ABTB3: variants seen among roughly 807,000 people sequenced by gnomAD.
The protein encoded by ABTB3 is ankyrin repeat- and BTB/POZ domain-containing protein 3.
At chr12:107,444,194 G>T in the ABTB3 span, among the ~76,000 whole-genome samples, 1 of 152,246 alleles carries the variant, frequency 6.6e-6, no homozygotes, top group Non-Finnish European at 1.5e-5. Flanking sequence ...GCATGGCGAT[G>T]AGGTGTGCTG....
chr12:107,505,856 A>G, the ABTB3 span, among the ~76,000 whole-genome samples: 16,474 of 152,214 alleles, frequency 0.11, 952 homozygotes, highest in African/African-American at 0.14. Context: ...TGCAAAGGAC[A>G]TGATCTCATT....
chr12:107,319,242 T>C, the ABTB3 span: 77 of 1,564,418 alleles, frequency 4.9e-5, no homozygotes, highest in Non-Finnish European at 6.5e-5. Context: ...CCCTGGACTC[T>C]CCAGGAGCTG....
the ABTB3 span, among the ~76,000 whole-genome samples, chr12:107,436,958 C>G: frequency 1.3e-5 from 2 of 152,034 alleles, no homozygotes; most frequent in Non-Finnish European, 2.9e-5. Flanking sequence ...GCATCCCCCC[C>G]CGCCGCACCT....
At chr12:107,583,954 AT>A in the ABTB3 span, among the ~76,000 whole-genome samples, 2 of 152,250 alleles carry the variant, frequency 1.3e-5, no homozygotes, top group African/African-American at 4.8e-5. Flanking sequence ...TTTTCATTCG[AT>A]TTGGAAATCA....
the ABTB3 span, among the ~76,000 whole-genome samples, chr12:107,600,743 G>A: frequency 1.3e-5 from 2 of 152,244 alleles, no homozygotes; most frequent in Non-Finnish European, 2.9e-5. Flanking sequence ...CTCTGTTGCA[G>A]ATTGCCAACC....
At chr12:107,461,199 T>C in the ABTB3 span, among the ~76,000 whole-genome samples, 1 of 152,138 alleles carries the variant, frequency 6.6e-6, no homozygotes, top group Non-Finnish European at 1.5e-5. Context: ...CCCACCCCCA[T>C]GATACAATTA....
At chr12:107,319,695 T>G in the ABTB3 span, 1 of 1,534,252 alleles carries the variant, frequency 6.5e-7, no homozygotes, top group Admixed American at 2.0e-5. Context: ...TACTCGCGGG[T>G]CGTGGCCTCC....
the ABTB3 span, among the ~76,000 whole-genome samples, chr12:107,571,813 G>C: frequency 6.6e-6 from 1 of 152,252 alleles, no homozygotes; most frequent in African/African-American, 2.4e-5. Flanking sequence ...AGCTAGCGGA[G>C]AGAGGCACAG....
the ABTB3 span, among the ~76,000 whole-genome samples, chr12:107,576,037 G>A: frequency 6.6e-5 from 10 of 152,140 alleles, no homozygotes; most frequent in Admixed American, 2.6e-4. Context: ...TCCAAAGCCC[G>A]TGCTCCTAAC....
chr12:107,353,086 G>A, the ABTB3 span, among the ~76,000 whole-genome samples: 2 of 152,188 alleles, frequency 1.3e-5, no homozygotes, highest in Non-Finnish European at 2.9e-5. Context: ...TGGTCATGTG[G>A]CTTAGTGGCC....
chr12:107,592,732 G>A, the ABTB3 span, among the ~76,000 whole-genome samples: 231 of 152,314 alleles, frequency 1.5e-3, no homozygotes, highest in African/African-American at 5.2e-3. Context: ...AATAAAGCAT[G>A]CATAGGAATG....
chr12:107,627,667 G>A, the ABTB3 span, among the ~76,000 whole-genome samples: 1 of 152,318 alleles, frequency 6.6e-6, no homozygotes, highest in East Asian at 1.9e-4. Context: ...TTGGTGGGAA[G>A]ATGGTCCCAA....
chr12:107,617,180 T>C, the ABTB3 span: 6 of 1,614,122 alleles, frequency 3.7e-6, no homozygotes, highest in Admixed American at 8.3e-5. Context: ...GCAGCTGCTG[T>C]AGGTAAGAGC....
the ABTB3 span, among the ~76,000 whole-genome samples, chr12:107,394,108 A>T: frequency 6.6e-6 from 1 of 152,178 alleles, no homozygotes; most frequent in Admixed American, 6.5e-5. Flanking sequence ...TTCCACATGG[A>T]TGCTTCCTGA....
At chr12:107,401,002 G>A in the ABTB3 span, among the ~76,000 whole-genome samples, 1 of 152,166 alleles carries the variant, frequency 6.6e-6, no homozygotes, top group Non-Finnish European at 1.5e-5. Flanking sequence ...CTACCCACAT[G>A]TGCCAGGCTG....
chr12:107,409,097 C>T, the ABTB3 span, among the ~76,000 whole-genome samples: 1,008 of 152,336 alleles, frequency 6.6e-3, 17 homozygotes, highest in African/African-American at 0.023. Flanking sequence ...GTCCCCCTCA[C>T]CTTCCCTCTC....
chr12:107,581,272 G>T, the ABTB3 span: 16 of 1,496,550 alleles, frequency 1.1e-5, no homozygotes, highest in African/African-American at 2.3e-4. Context: ...GGCTGCTGCT[G>T]CCCGGCGTGG....
chr12:107,349,332 A>C, the ABTB3 span, among the ~76,000 whole-genome samples: 1 of 152,262 alleles, frequency 6.6e-6, no homozygotes, highest in African/African-American at 2.4e-5. Context: ...GGGCGGCATC[A>C]TCACAGTGAG....
the ABTB3 span, among the ~76,000 whole-genome samples, chr12:107,616,596 C>T: frequency 6.6e-6 from 1 of 152,176 alleles, no homozygotes; most frequent in South Asian, 2.1e-4. Context: ...CAGGGCCATC[C>T]AGGTGGGGCC....
Sources: gnomAD v4.1 joint callset for allele counts (sites outside exome capture counted in the v4.1 genomes callset) on GRCh38, gnomAD v4.1.1 for gene constraint, MANE v1.5 for transcripts, NCBI Gene and HGNC (gene_info 2026-07-23, HGNC 2026-07-21) for gene names.